The following HES7 variants were observed in gnomAD, a reference collection of about 807,000 sequenced individuals.
The protein encoded by HES7 is hes family bHLH transcription factor 7.
In HES7, 8 loss-of-function variants were observed where a neutral mutation model predicts 18.0. The observed-to-expected ratio is 0.45, with a 90% CI of 0.26 to 0.80. HES7 has a LOEUF of 0.80. Among genes scored for constraint, HES7 ranks in the 30% least tolerant of loss-of-function variants. The probability of loss-of-function intolerance (pLI) is 0.18; values close to 1 mark genes in which losing one functional copy is unlikely to be tolerated. For missense variants in HES7, 356 were observed against 340.9 expected (o/e 1.04, Z -0.35); for synonymous variants, 170 against 158.6 (o/e 1.07, Z -0.54).
chr17:8,120,902 C>T lies in HES7; in HGVS notation c.*669G>A, dbSNP rs1357826300. The T allele has an allele frequency of 6.5e-6, 1 of 152,708 alleles. No homozygotes were observed. The highest frequency in any genetic ancestry group is 1.9e-4 in the East Asian group (1 of 5,206). The allele number at this position is 152,708 out of a possible 1,614,324, so 9.5% of individuals were successfully genotyped here. A position where few individuals can be genotyped will look rare whatever the true frequency, so the allele number is the denominator to read the frequency against. ...TTCCCACTCTAGTACCCGTAAGCTA[C>T]AAGACGCCGCCGTTCGTCGGGTGGC... On this transcript the variant is annotated 3_prime_UTR_variant, in exon 4 of 4. Coordinates refer to ENST00000541682, the MANE Select transcript of HES7 (RefSeq NM_001165967.2).
In HES7 at chr17:8,123,956, C is replaced by T. The variant is rs969815417; in HGVS notation, c.42+87G>A. ...ACCGCTCCCCTTCCACCCCTGCGTC[C>T]CCAGCCTCTCTCCAGACCGACGGCG... is the stretch of plus-strand genomic sequence containing the variant. On this transcript the variant is annotated intron_variant, in intron 1 of 3. Transcript: ENST00000541682. This position sits in a 1 kb window ranked among gnomAD's most constrained non-coding sequence, Gnocchi z 5.9. 23 of 1,476,462 alleles carry T rather than the reference C, an allele frequency of 1.6e-5. No individual in the cohort carries two copies. The Admixed American group carries it at 1.9e-4, about 12-fold the overall frequency. 91.5% of individuals were successfully genotyped at this position (1,476,462 alleles called of 1,614,324 possible).
Position 8,121,439 on chromosome 17 carries a change from C to T in HES7, c.*132G>A. The T allele has an allele frequency of 1.7e-6, 1 of 603,838 alleles. No individual in the cohort carries two copies. Among genetic ancestry groups the T allele is most frequent in the East Asian group, 3.5e-5 (1 of 28,898 alleles). The allele number at this position is 603,838 out of a possible 1,614,324, so 37.4% of individuals were successfully genotyped here. Reference sequence around the variant, plus strand: ...ATACTCTAATATAGACCACATCTCACCCGCGCGCTGAGCCCGCGCGCCCCA... The same window carrying T: ...ATACTCTAATATAGACCACATCTCATCCGCGCGCTGAGCCCGCGCGCCCCA... On this transcript the variant is annotated 3_prime_UTR_variant, in exon 4 of 4. Transcript: ENST00000541682.
Position 8,121,876 on chromosome 17 carries a change from A to G in HES7, c.388T>C (p.Tyr130His). 2 of 1,571,202 alleles carry G rather than the reference A, an allele frequency of 1.3e-6. No individual in the cohort carries two copies. Among genetic ancestry groups the G allele is most frequent in the Non-Finnish European group, 1.7e-6 (2 of 1,168,944 alleles). The change falls in exon 4 of 4, where the codon TAT becomes CAT. Residue 130 changes from tyrosine to histidine, a missense_variant. By Grantham distance (83) the Tyr-to-His change is moderately conservative. Coordinates refer to ENST00000541682, the MANE Select transcript of HES7 (RefSeq NM_001165967.2). ...GGCCGGGGCGGTTTGGGGCGCAGAT[A>G]GCCGTGCAGCGCGGAGAAGAGCTGG... The part of the protein sequence containing the change: ...RAQLFSALHG[Y>H]LRPKPPRPKP...
chr17:8,124,122 G>T (rs766344830), upstream of HES7: 4 of 1,613,318 alleles, frequency 2.5e-6, no homozygotes, highest in East Asian at 2.2e-5. Context: ...TTCCCTGCTC[G>T]CCTGGAGCCT....
Position 8,121,462 on chromosome 17 carries a change from C to G in HES7, c.*109G>C. The stretch of plus-strand genomic sequence containing the variant: ...CACCCGCGCGCTGAGCCCGCGCGCC[C>G]CACTGCCCTCCCCAACACCTGCTCG... On this transcript the variant is annotated 3_prime_UTR_variant, in exon 4 of 4. Transcript: ENST00000541682. The G allele has an allele frequency of 1.0e-6, 1 of 961,586 alleles. No homozygotes were observed. Among genetic ancestry groups the G allele is most frequent in the Non-Finnish European group, 1.4e-6 (1 of 733,906 alleles). 59.6% of individuals were successfully genotyped at this position (961,586 alleles called of 1,614,324 possible).
Position 8,124,081 on chromosome 17 carries a change from C to A in HES7, c.4G>T (p.Val2Phe). The change falls in exon 1 of 4, where the codon GTC becomes TTC. Residue 2 changes from valine (V) to phenylalanine (F), a missense_variant. Coordinates refer to ENST00000541682, the MANE Select transcript of HES7 (RefSeq NM_001165967.2). ...CTATTCTCAGCTCGATCCCGGGTGA[C>A]CATTGCTCCTCCGGACCCTGTGTGG... M[V>F]TRDRAENRDG... 1 of 1,614,068 alleles carries A rather than the reference C, an allele frequency of 6.2e-7. No homozygotes were observed. The highest frequency in any genetic ancestry group is 8.5e-7 in the Non-Finnish European group (1 of 1,180,028).
chr17:8,121,784 G>C lies in HES7; in HGVS notation c.480C>G (p.Gly160=). The part of the protein sequence containing the change: ...PSLDPAAPAL[G]PALHQRPPVH... ...CTGGGGGGCGCTGGTGCAGCGCAGG[G>C]CCAAGGGCCGGTGCGGCGGGGTCCA... is the stretch of plus-strand genomic sequence containing the variant. The change falls in exon 4 of 4, where the codon GGC becomes GGG. Residue 160 remains glycine (G), a synonymous_variant. Coordinates refer to ENST00000541682, the MANE Select transcript of HES7 (RefSeq NM_001165967.2). 2 of 1,550,548 alleles carry C rather than the reference G, an allele frequency of 1.3e-6. No individual in the cohort carries two copies. Among genetic ancestry groups the C allele is most frequent in the Non-Finnish European group, 1.7e-6 (2 of 1,160,446 alleles).
chr17:8,121,927 G>C lies in HES7; in HGVS notation c.337C>G (p.His113Asp). 6.4e-7 allele frequency: 1 copy of C among 1,563,820 alleles called. No homozygotes were observed. The highest frequency in any genetic ancestry group is 1.1e-5 in the South Asian group (1 of 87,004). ...ECLLRLAAFA[H>D]DASPAARAQL... is the part of the protein sequence containing the mutation. Reference sequence around the variant, plus strand: ...GCGCGGGCGGCCGGGCTGGCGTCGTGCGCGAAGGCCGCCAAGCGAAGCAGG... The same window carrying C: ...GCGCGGGCGGCCGGGCTGGCGTCGTCCGCGAAGGCCGCCAAGCGAAGCAGG... The change falls in exon 4 of 4, where the codon CAC becomes GAC. Residue 113 changes from histidine to aspartate, a missense_variant. Physicochemically the swap from His to Asp is moderately conservative, Grantham distance 81. Transcript: ENST00000541682.
rs1229620402 is a variant in HES7 at position 8,123,137 on chromosome 17, C to A, written c.43-11G>T. ...AAGCGGCTTGAGCATCTGCGACCAG[C>A]GAGAAAAGGAGAGCGGGCCGACCAG... is the stretch of plus-strand genomic sequence containing the variant. On this transcript the variant is annotated splice_polypyrimidine_tract_variant and intron_variant, in intron 1 of 3. Transcript: ENST00000541682. The surrounding 1 kb of genome is among the most constrained non-coding windows in gnomAD (Gnocchi z 5.9). 4 of 1,598,592 alleles carry A rather than the reference C, an allele frequency of 2.5e-6. No individual in the cohort carries two copies. Among genetic ancestry groups the A allele is most frequent in the African/African-American group, 1.3e-5 (1 of 74,626 alleles).
At chr17:8,124,346 G>A (rs1031199201), upstream of HES7, among the ~76,000 whole-genome samples, 4 of 152,150 alleles carry the variant, frequency 2.6e-5, no homozygotes, top group African/African-American at 9.7e-5. Flanking sequence ...ATAAGGAGGC[G>A]GGACCCAGCT....
Position 8,121,769 on chromosome 17 carries a change from C to A in HES7, c.495G>T (p.Gln165His). Residue 165 changes from glutamine to histidine, a missense_variant, in exon 4 of 4, where the codon CAG becomes CAT. Coordinates refer to ENST00000541682, the MANE Select transcript of HES7 (RefSeq NM_001165967.2). ...GGTGGCCCTGGTGCACTGGGGGGCG[C>A]TGGTGCAGCGCAGGGCCAAGGGCCG... ...AAPALGPALHQRPPVHQGHPS... is the reference protein window; with the variant it reads ...AAPALGPALHHRPPVHQGHPS... The A allele has an allele frequency of 1.3e-6, 2 of 1,517,618 alleles. No individual in the cohort carries two copies. Among genetic ancestry groups the A allele is most frequent in the Non-Finnish European group, 1.7e-6 (2 of 1,145,572 alleles). 94.0% of individuals were successfully genotyped at this position (1,517,618 alleles called of 1,614,324 possible). A position where few individuals can be genotyped will look rare whatever the true frequency, so the allele number is the denominator to read the frequency against.
rs1981321066 is a variant in HES7 at position 8,121,556 on chromosome 17, A to C, written c.*15T>G. ...TACCCCACCCCTAGACCCCGCCCCCACCACCCCCCAAGGCTCAGGGCCAAG... is the reference window on the plus strand; with the variant it reads ...TACCCCACCCCTAGACCCCGCCCCCCCCACCCCCCAAGGCTCAGGGCCAAG... On this transcript the variant is annotated 3_prime_UTR_variant, in exon 4 of 4. Transcript: ENST00000541682. 7.7e-7 allele frequency: 1 copy of C among 1,293,882 alleles called. No homozygotes were observed. 80.2% of individuals were successfully genotyped at this position (1,293,882 alleles called of 1,614,324 possible). A position where few individuals can be genotyped will look rare whatever the true frequency, so the allele number is the denominator to read the frequency against.
chr17:8,122,236 C>G lies in HES7; in HGVS notation c.226+107G>C. ...TAACCTCGCCTCGGAGCAGAACCGG[C>G]CACTCCCCAAGCCCACCATCCACCG... On this transcript the variant is annotated intron_variant, in intron 3 of 3. Coordinates refer to ENST00000541682, the MANE Select transcript of HES7 (RefSeq NM_001165967.2). This position sits in a 1 kb window ranked among gnomAD's most constrained non-coding sequence, Gnocchi z 6.9. 2 of 1,060,244 alleles carry G rather than the reference C, an allele frequency of 1.9e-6. No homozygotes were observed. Among genetic ancestry groups the G allele is most frequent in the Non-Finnish European group, 2.8e-6 (2 of 712,962 alleles). The allele number at this position is 1,060,244 out of a possible 1,614,324, so 65.7% of individuals were successfully genotyped here.
At chr17:8,125,729 C>G (rs1280071973), upstream of HES7, among the ~76,000 whole-genome samples, 9 of 152,338 alleles carry the variant, frequency 5.9e-5, no homozygotes, top group African/African-American at 1.9e-4. Context: ...AGGATCCCCG[C>G]AGAATCTTTA....
rs187062164 is a variant in HES7, at chr17:8,120,918, G to C, written c.*653C>G. The C allele has an allele frequency of 1.3e-4, 20 of 152,798 alleles. No homozygotes were observed. Among genetic ancestry groups the C allele is most frequent in the Admixed American group, 2.6e-4 (4 of 15,298 alleles). 9.5% of individuals were successfully genotyped at this position (152,798 alleles called of 1,614,324 possible). ...CGTAAGCTACAAGACGCCGCCGTTCGTCGGGTGGCTCTGTGGCGCAATGGA... is the reference window on the plus strand; with the variant it reads ...CGTAAGCTACAAGACGCCGCCGTTCCTCGGGTGGCTCTGTGGCGCAATGGA... On this transcript the variant is annotated 3_prime_UTR_variant, in exon 4 of 4. Coordinates refer to ENST00000541682, the MANE Select transcript of HES7 (RefSeq NM_001165967.2).
chr17:8,125,427 C>T (rs1223445912), upstream of HES7, among the ~76,000 whole-genome samples: 1 of 152,238 alleles, frequency 6.6e-6, no homozygotes, highest in Non-Finnish European at 1.5e-5. Flanking sequence ...CGTCCTTCAG[C>T]CAAATGGGAA....
Position 8,121,595 on chromosome 17 carries a change from G to C in HES7, c.669C>G (p.Pro223=). Residue 223 remains proline, a synonymous_variant, in exon 4 of 4, where the codon CCC becomes CCG. Transcript: ENST00000541682. ...CTCAGGGCCAAGGTCTCCAGAAAGC[G>C]GGCGGCGGGGGCAGCGGGGCCTTGG... The part of the protein sequence containing the change: ...GAPKAPLPPP[P]AFWRPWP 1.5e-6 allele frequency: 2 copies of C among 1,311,410 alleles called. No individual in the cohort carries two copies. The highest frequency in any genetic ancestry group is 1.9e-6 in the Non-Finnish European group (2 of 1,037,430). 81.2% of individuals were successfully genotyped at this position (1,311,410 alleles called of 1,614,324 possible).
chr17:8,126,573 G>T (rs1354814588), upstream of HES7, among the ~76,000 whole-genome samples: 2 of 152,150 alleles, frequency 1.3e-5, no homozygotes, highest in South Asian at 2.1e-4. Flanking sequence ...TCCCGCACGC[G>T]TCGGCCCGAG....
rs1333572532 is a variant in HES7 at position 8,123,272 on chromosome 17, C to G, written c.43-146G>C. 3.0e-6 allele frequency: 2 copies of G among 662,122 alleles called. No homozygotes were observed. The highest frequency in any genetic ancestry group is 3.6e-5 in the African/African-American group (2 of 55,452). 41.0% of individuals were successfully genotyped at this position (662,122 alleles called of 1,614,324 possible). On this transcript the variant is annotated intron_variant, in intron 1 of 3. Coordinates refer to ENST00000541682, the MANE Select transcript of HES7 (RefSeq NM_001165967.2). This position sits in a 1 kb window ranked among gnomAD's most constrained non-coding sequence, Gnocchi z 5.9. ...GCCTAGGGCCGGCCCCATTCGATCC[C>G]TCTCCGCTCCCCCTCCCAATGCCCC...
Sources: gnomAD v4.1 joint callset for allele counts (sites outside exome capture counted in the v4.1 genomes callset) on GRCh38, gnomAD v4.1.1 for gene constraint, Gnocchi (gnomAD v3.1) non-coding constraint, MANE v1.5 for transcripts, NCBI Gene and HGNC (gene_info 2026-07-23, HGNC 2026-07-21) for gene names.